Variants in NDST4 observed in about 807,000 individuals in gnomAD.
NDST4 encodes the protein N-deacetylase and N-sulfotransferase 4.
A neutral mutation model predicts 100.8 loss-of-function variants in NDST4; 63 were observed. The ratio of observed to expected loss-of-function variants is 0.62; its 90% CI spans 0.51 to 0.77. The LOEUF is 0.77. NDST4 is among the 30% of genes least tolerant of loss of function. The pLI is 0.00. For missense variants in NDST4, 943 were observed against 1,018.4 expected (o/e 0.93, Z 1.01); for synonymous variants, 377 against 361.8 (o/e 1.04, Z -0.48).
intron 6 of NDST4, among the ~76,000 whole-genome samples, chr4:114,884,321 G>C (rs951917348): frequency 6.6e-6 from 1 of 152,006 alleles, no homozygotes; most frequent in Non-Finnish European, 1.5e-5. Flanking sequence ...GAATTGGGAG[G>C]AGAAGAAAAA....
At chr4:115,042,427 A>G (rs1728370548) in intron 2 of NDST4, among the ~76,000 whole-genome samples, 1 of 152,134 alleles carries the variant, frequency 6.6e-6, no homozygotes, top group Non-Finnish European at 1.5e-5. Context: ...GCCTTATCAC[A>G]TAGGTATTTT....
At chr4:114,841,846 T>C (rs1578337473) in intron 10 of NDST4, among the ~76,000 whole-genome samples, 1 of 152,022 alleles carries the variant, frequency 6.6e-6, no homozygotes, top group Non-Finnish European at 1.5e-5. Flanking sequence ...AATCTAAGTG[T>C]TTTTTTTGGA....
chr4:115,083,735 C>T (rs539714157), intron 1 of NDST4, among the ~76,000 whole-genome samples: 1 of 152,076 alleles, frequency 6.6e-6, no homozygotes, highest in South Asian at 2.1e-4. Flanking sequence ...AGATCTGATG[C>T]TTTTATAAGG....
chr4:114,830,066 A>G (rs1218340254), intron 12 of NDST4, among the ~76,000 whole-genome samples, 174 bp from the exon 13 acceptor site: 2 of 152,244 alleles, frequency 1.3e-5, no homozygotes, highest in African/African-American at 4.8e-5. Context: ...GAAAGAAGCT[A>G]TATGTTATTA....
At chr4:115,010,821 A>C (rs1727528252) in intron 2 of NDST4, among the ~76,000 whole-genome samples, 1 of 152,120 alleles carries the variant, frequency 6.6e-6, no homozygotes, top group Non-Finnish European at 1.5e-5. Flanking sequence ...AACACAATTC[A>C]GTTTCTTCTA....
chr4:114,855,003 G>A (rs1398216325), intron 7 of NDST4, among the ~76,000 whole-genome samples: 2 of 152,102 alleles, frequency 1.3e-5, no homozygotes, highest in African/African-American at 4.8e-5. Context: ...TCTCATTGTA[G>A]TTTTGATTTG....
chr4:114,860,761 C>T (rs532813710), intron 7 of NDST4, among the ~76,000 whole-genome samples: 1 of 152,328 alleles, frequency 6.6e-6, no homozygotes, highest in Admixed American at 6.5e-5. Context: ...ACAGCAACAT[C>T]ACCTATACTC....
intron 7 of NDST4, among the ~76,000 whole-genome samples, chr4:114,860,573 T>C (rs1435785797): frequency 3.3e-5 from 5 of 152,166 alleles, no homozygotes; most frequent in African/African-American, 9.7e-5. Flanking sequence ...TTGCAGCATG[T>C]AACTTGACCT....
intron 6 of NDST4, among the ~76,000 whole-genome samples, chr4:114,875,982 A>C (rs371225297): frequency 1.6e-4 from 25 of 152,344 alleles, no homozygotes; most frequent in African/African-American, 5.8e-4. Context: ...TTTTTAGTTA[A>C]AGTACACATT....
intron 1 of NDST4, among the ~76,000 whole-genome samples, chr4:115,093,099 T>G (rs1282119369): frequency 6.6e-6 from 1 of 152,082 alleles, no homozygotes; most frequent in East Asian, 1.9e-4. Context: ...AAAGCAAAAA[T>G]AGTCAGAACT....
intron 6 of NDST4, among the ~76,000 whole-genome samples, chr4:114,884,982 C>T (rs956393910): frequency 2.0e-5 from 3 of 152,120 alleles, no homozygotes; most frequent in Non-Finnish European, 4.4e-5. Context: ...ATCTGAGAAA[C>T]TAAAATTGTT....
intron 5 of NDST4, among the ~76,000 whole-genome samples, 173 bp downstream of exon 5, chr4:114,937,145 C>T (rs940703193): frequency 3.3e-5 from 5 of 152,200 alleles, no homozygotes; most frequent in East Asian, 1.9e-4. Flanking sequence ...AGGAGCAAGC[C>T]TATCACCAAA....
intron 4 of NDST4, among the ~76,000 whole-genome samples, chr4:114,952,278 A>G (rs373339184): frequency 2.0e-5 from 3 of 152,134 alleles, no homozygotes; most frequent in African/African-American, 7.2e-5. Context: ...CTTGATACTG[A>G]AGTGTATTTT....
chr4:115,100,372 A>G (rs1729706602), intron 1 of NDST4, among the ~76,000 whole-genome samples: 1 of 152,084 alleles, frequency 6.6e-6, no homozygotes, highest in Admixed American at 6.6e-5. Context: ...TCTTGATTGT[A>G]GGAGATGGTG....
At chr4:115,043,583 G>A (rs975804990) in intron 2 of NDST4, among the ~76,000 whole-genome samples, 1 of 152,030 alleles carries the variant, frequency 6.6e-6, no homozygotes, top group African/African-American at 2.4e-5. Flanking sequence ...TTTTAGATAC[G>A]AAAGAGACGG....
intron 2 of NDST4, among the ~76,000 whole-genome samples, chr4:115,070,594 T>A (rs1436937171): frequency 6.6e-6 from 1 of 152,204 alleles, no homozygotes; most frequent in East Asian, 1.9e-4. Flanking sequence ...TACAGTTAAA[T>A]TTTATTAATA....
At chr4:114,894,938 T>C (rs996358594) in intron 6 of NDST4, among the ~76,000 whole-genome samples, 1 of 152,118 alleles carries the variant, frequency 6.6e-6, no homozygotes, top group African/African-American at 2.4e-5. Flanking sequence ...TTATTGAGAG[T>C]TTTTAACATG....
intron 3 of NDST4, among the ~76,000 whole-genome samples, chr4:114,974,988 T>C (rs958334071): frequency 6.6e-6 from 1 of 152,100 alleles, no homozygotes; most frequent in Non-Finnish European, 1.5e-5. Context: ...CAAGGCCATC[T>C]CCTCATGGTT....
At chr4:115,010,909 A>T (rs911357137) in intron 2 of NDST4, among the ~76,000 whole-genome samples, 4 of 152,068 alleles carry the variant, frequency 2.6e-5, no homozygotes, top group Non-Finnish European at 5.9e-5. Flanking sequence ...ATTTTGCTAC[A>T]AATTTATAAC....
Sources: gnomAD v4.1 joint callset for allele counts (sites outside exome capture counted in the v4.1 genomes callset) on GRCh38, gnomAD v4.1.1 for gene constraint, MANE v1.5 for transcripts, NCBI Gene and HGNC (gene_info 2026-07-23, HGNC 2026-07-21) for gene names.